RXFP1: variants seen among roughly 807,000 people sequenced by gnomAD.
RXFP1 encodes the protein relaxin family peptide receptor 1.
A neutral mutation model predicts 89.8 loss-of-function variants in RXFP1; 73 were observed. The observed-to-expected ratio is 0.81, with a 90% CI of 0.67 to 0.99. The LOEUF is 0.99. Ranked by LOEUF, RXFP1 falls within the 50% of genes least tolerant of loss-of-function variation. The pLI is 0.00. For synonymous variants in RXFP1, 277 were observed against 305.5 expected, an observed-to-expected ratio of 0.91 and a Z score of 0.97; for missense variants, 793 against 895.5, an observed-to-expected ratio of 0.89 and a Z score of 1.46.
At chr4:158,545,140 C>G (rs548368072) in intron 1 of RXFP1, among the ~76,000 whole-genome samples, 3 of 151,674 alleles carry the variant, frequency 2.0e-5, no homozygotes, top group African/African-American at 4.8e-5. Flanking sequence ...GATTGCCATT[C>G]TAACTGGTGT....
intron 8 of RXFP1, among the ~76,000 whole-genome samples, chr4:158,616,285 C>T (rs191532074): frequency 1.3e-5 from 2 of 151,590 alleles, no homozygotes; most frequent in African/African-American, 2.4e-5. Flanking sequence ...AAAAAATAGC[C>T]GGGCATCGTG....
rs756131500 is a variant in RXFP1 at position 158,608,279 on chromosome 4, C to CTTTT, written c.536+261_536+264dup. 2.6e-3 allele frequency among the ~76,000 whole-genome samples: 196 copies of CTTTT among 76,102 alleles called. 2 individuals carry two copies. The highest frequency in any genetic ancestry group is 3.4e-3 in the Non-Finnish European group (143 of 41,636). 49.9% of individuals were successfully genotyped at this position (76,102 alleles called of 152,430 possible). A position where few individuals can be genotyped will look rare whatever the true frequency, so the allele number is the denominator to read the frequency against. On this transcript the variant is annotated intron_variant, in intron 6 of 17. Transcript: ENST00000307765. ...GATCTTGAGCAATTTGTATTCCTTT[C>CTTTT]TTTTTTTTTTTTTTTTTTTTTTTTT...
At chr4:158,649,849 G>T (rs1235656002) in intron 17 of RXFP1, among the ~76,000 whole-genome samples, 3 of 152,134 alleles carry the variant, frequency 2.0e-5, no homozygotes, top group Non-Finnish European at 4.4e-5. Context: ...ATGTGGAAAT[G>T]GTCCAGTTAC....
chr4:158,556,564 T>C (rs1751356190), intron 1 of RXFP1, among the ~76,000 whole-genome samples: 1 of 152,208 alleles, frequency 6.6e-6, no homozygotes, highest in East Asian at 1.9e-4. Context: ...CTCCTGGGTA[T>C]ATATTCAAAG....
chr4:158,540,648 A>G (rs115634883), intron 1 of RXFP1, among the ~76,000 whole-genome samples: 266 of 150,400 alleles, frequency 1.8e-3, no homozygotes, highest in African/African-American at 6.2e-3. Context: ...ACCAACCCCA[A>G]TGCCTCTGAC....
chr4:158,595,800 G>T (rs1326257430), intron 3 of RXFP1, among the ~76,000 whole-genome samples: 2 of 152,134 alleles, frequency 1.3e-5, no homozygotes, highest in Admixed American at 1.3e-4. Context: ...TCAGCAATCT[G>T]TCTCAGCATC....
intron 1 of RXFP1, among the ~76,000 whole-genome samples, chr4:158,552,668 G>T (rs1327884269): frequency 6.6e-6 from 1 of 152,178 alleles, no homozygotes; most frequent in African/African-American, 2.4e-5. Context: ...GACTACAGAG[G>T]CAGACAAATT....
Position 158,628,639 on chromosome 4 carries a change from G to T in RXFP1, c.829G>T (p.Val277Leu), listed in dbSNP as rs1192519846. The T allele has an allele frequency of 6.7e-7, 1 of 1,500,636 alleles. No homozygotes were observed. The highest frequency in any genetic ancestry group is 1.7e-5 in the Admixed American group (1 of 57,834). The allele number at this position is 1,500,636 out of a possible 1,614,324, so 93.0% of individuals were successfully genotyped here. The part of the protein sequence containing the change: ...FISCSNLTVL[V>L]MRKNKINHLN... ...ATGTATTTTTCTTTTTACTTTCAGA[G>T]TGATGAGGAAAAACAAAATTAATCA... The change falls in exon 11 of 18, where the codon GTG becomes TTG. Residue 277 changes from valine to leucine, a missense_variant and splice_region_variant. Physicochemically the swap from Val to Leu is conservative, Grantham distance 32. Coordinates refer to ENST00000307765, the MANE Select transcript of RXFP1 (RefSeq NM_021634.4).
At chr4:158,573,625 C>T (rs1314842949) in intron 2 of RXFP1, among the ~76,000 whole-genome samples, 2 of 152,122 alleles carry the variant, frequency 1.3e-5, no homozygotes, top group Non-Finnish European at 2.9e-5. Flanking sequence ...ACCCAACAAA[C>T]CTGCCCAAGT....
intron 10 of RXFP1, 26 bp from the exon 11 acceptor site, chr4:158,628,612 C>A (rs1337021279): frequency 1.7e-6 from 2 of 1,157,028 alleles, no homozygotes; most frequent in Non-Finnish European, 2.6e-6. Flanking sequence ...AAAGAAGTTA[C>A]AATGTATTTT....
rs1771692446 is a variant in RXFP1 at position 158,647,008 on chromosome 4, G to A, written c.1563G>A (p.Val521=). The A allele has an allele frequency of 4.3e-6, 7 of 1,614,086 alleles. No homozygotes were observed. Among genetic ancestry groups the A allele is most frequent in the Non-Finnish European group, 5.9e-6 (7 of 1,179,988 alleles). The part of the protein sequence containing the change: ...YICIVYPFRC[V]RPGKCRTITV... ...GCATTGTCTATCCTTTTAGATGTGT[G>A]AGACCTGGAAAATGCAGAACAATTA... Residue 521 remains valine, a synonymous_variant, in exon 16 of 18, where the codon GTG becomes GTA. Coordinates refer to ENST00000307765, the MANE Select transcript of RXFP1 (RefSeq NM_021634.4).
intron 2 of RXFP1, among the ~76,000 whole-genome samples, chr4:158,575,362 T>A (rs1261745639): frequency 6.6e-6 from 1 of 152,098 alleles, no homozygotes; most frequent in African/African-American, 2.4e-5. Flanking sequence ...AAAACAGGAA[T>A]AATAAGAGTA....
chr4:158,635,224 G>C (rs189962190), intron 12 of RXFP1, among the ~76,000 whole-genome samples: 152 of 151,910 alleles, frequency 1.0e-3, no homozygotes, highest in Non-Finnish European at 3.2e-4. Context: ...CAGTTGCCAG[G>C]GTATTTATCT....
At chr4:158,545,418 T>C (rs1352497727) in intron 1 of RXFP1, among the ~76,000 whole-genome samples, 1 of 152,232 alleles carries the variant, frequency 6.6e-6, no homozygotes. Flanking sequence ...ACTCTGATGG[T>C]AGTTTCTTTT....
chr4:158,539,411 C>T (rs542669508), intron 1 of RXFP1, among the ~76,000 whole-genome samples: 111 of 151,832 alleles, frequency 7.3e-4, no homozygotes, highest in Non-Finnish European at 1.4e-3. Context: ...CAGCACACCA[C>T]ATGGCACACT....
intron 2 of RXFP1, among the ~76,000 whole-genome samples, chr4:158,582,080 C>A (rs993400551): frequency 6.6e-5 from 10 of 152,108 alleles, no homozygotes; most frequent in African/African-American, 2.4e-4. Flanking sequence ...TCATGAGTGA[C>A]CCACATTCAT....
At chr4:158,627,644 T>TCCTAGACTACAC (rs1767168460) in intron 10 of RXFP1, among the ~76,000 whole-genome samples, 1 of 151,998 alleles carries the variant, frequency 6.6e-6, no homozygotes, top group African/African-American at 2.4e-5. Context: ...CCCCTGTATA[T>TCCTAGACTACAC]AGGCGATACA....
At chr4:158,551,484 G>A (rs1031811532) in intron 1 of RXFP1, among the ~76,000 whole-genome samples, 1 of 152,082 alleles carries the variant, frequency 6.6e-6, no homozygotes, top group Admixed American at 6.5e-5. Flanking sequence ...AAATTGCTAA[G>A]AGAGTAGATT....
intron 1 of RXFP1, among the ~76,000 whole-genome samples, chr4:158,548,780 C>A (rs1749252818): frequency 6.6e-6 from 1 of 152,180 alleles, no homozygotes; most frequent in Non-Finnish European, 1.5e-5. Flanking sequence ...AGATTGGCCC[C>A]CACTCTCTTC....
Sources: gnomAD v4.1 joint callset for allele counts (sites outside exome capture counted in the v4.1 genomes callset) on GRCh38, gnomAD v4.1.1 for gene constraint, MANE v1.5 for transcripts, NCBI Gene and HGNC (gene_info 2026-07-23, HGNC 2026-07-21) for gene names.